The following PTPRT variants were observed in gnomAD, a reference collection of about 807,000 sequenced individuals.
The protein encoded by PTPRT is protein tyrosine phosphatase receptor type T.
A neutral mutation model predicts 176.8 loss-of-function variants in PTPRT; 56 were observed. The ratio of observed to expected loss-of-function variants is 0.32; its 90% CI spans 0.26 to 0.40. The LOEUF is 0.40. Among genes scored for constraint, PTPRT ranks in the 10% least tolerant of loss-of-function variants. The probability of loss-of-function intolerance (pLI) is 1.00; values close to 1 mark genes in which losing one functional copy is unlikely to be tolerated. For missense variants in PTPRT, 1,540 were observed against 1,908.2 expected, an observed-to-expected ratio of 0.81 and a Z score of 3.60; for synonymous variants, 783 against 739.0, an observed-to-expected ratio of 1.06 and a Z score of -0.96.
At chr20:42,939,509 T>C (rs1051440564) in intron 1 of PTPRT, among the ~76,000 whole-genome samples, 10 of 152,218 alleles carry the variant, frequency 6.6e-5, no homozygotes, top group Non-Finnish European at 1.5e-5. Flanking sequence ...GTACCCACTG[T>C]CTCATTCAGT....
chr20:42,528,355 C>T (rs1339595740), intron 7 of PTPRT, among the ~76,000 whole-genome samples: 1 of 151,676 alleles, frequency 6.6e-6, no homozygotes, highest in African/African-American at 2.4e-5. Context: ...CCCAATACTG[C>T]TCACAGTGTC....
At chr20:42,431,763 C>G (rs1311546144) in intron 9 of PTPRT, among the ~76,000 whole-genome samples, 1 of 152,160 alleles carries the variant, frequency 6.6e-6, no homozygotes, top group Non-Finnish European at 1.5e-5. Flanking sequence ...CTTGAGACCT[C>G]TGCACCTGGC....
chr20:42,591,797 T>A (rs1483647473), intron 7 of PTPRT, among the ~76,000 whole-genome samples: 1 of 152,058 alleles, frequency 6.6e-6, no homozygotes, highest in Non-Finnish European at 1.5e-5. Flanking sequence ...GAACCTCAAT[T>A]TTCCCATCAG....
Position 42,350,227 on chromosome 20 carries a change from T to TG in PTPRT, c.1865+400_1865+401insC, listed in dbSNP as rs1175946910. Among the ~76,000 whole-genome samples, 569 of 115,222 alleles carry TG rather than the reference T, an allele frequency of 4.9e-3. 4 individuals carry two copies. The highest frequency in any genetic ancestry group is 0.021 in the African/African-American group (541 of 25,192). 75.6% of individuals were successfully genotyped at this position (115,222 alleles called of 152,430 possible). A position where few individuals can be genotyped will look rare whatever the true frequency, so the allele number is the denominator to read the frequency against. ...AGGATGTTTCTTGTTTTTTTTTTTT[T>TG]TTTTTTTTTTTTTTTTTTTGAGACA... On this transcript the variant is annotated intron_variant, in intron 11 of 30. Coordinates refer to ENST00000373187, the MANE Select transcript of PTPRT (RefSeq NM_007050.6).
At chr20:42,825,171 T>C (rs149414704) in intron 2 of PTPRT, among the ~76,000 whole-genome samples, 18 of 152,236 alleles carry the variant, frequency 1.2e-4, no homozygotes, top group Admixed American at 2.6e-4. Flanking sequence ...CATTATCAAG[T>C]TGTGAATCAT....
intron 1 of PTPRT, among the ~76,000 whole-genome samples, chr20:42,945,013 G>A (rs1379208377): frequency 6.6e-6 from 1 of 150,608 alleles, no homozygotes; most frequent in Non-Finnish European, 1.5e-5. Flanking sequence ...TGTCATTTGT[G>A]GCCAGACATT....
chr20:42,431,113 C>T (rs1001840781), intron 9 of PTPRT, among the ~76,000 whole-genome samples: 10 of 152,176 alleles, frequency 6.6e-5, no homozygotes, highest in African/African-American at 2.4e-4. Context: ...TACTGGACAG[C>T]TAGGACTACA....
At chr20:43,108,277 G>C (rs2012704026) in intron 1 of PTPRT, among the ~76,000 whole-genome samples, 1 of 152,214 alleles carries the variant, frequency 6.6e-6, no homozygotes, top group Non-Finnish European at 1.5e-5. Flanking sequence ...CATACTGTGA[G>C]AAGCTGAAGC....
chr20:43,076,935 T>A (rs1023090720), intron 1 of PTPRT, among the ~76,000 whole-genome samples: 2 of 152,196 alleles, frequency 1.3e-5, no homozygotes, highest in African/African-American at 4.8e-5. Flanking sequence ...TGGGACTTCT[T>A]GTCCTGCCTC....
intron 9 of PTPRT, among the ~76,000 whole-genome samples, chr20:42,393,939 A>G (rs2058824852): frequency 6.6e-6 from 1 of 152,178 alleles, no homozygotes; most frequent in South Asian, 2.1e-4. Flanking sequence ...ACGGCTTCCT[A>G]TATTCCCGAA....
chr20:43,087,093 A>G (rs1403465872), intron 1 of PTPRT, among the ~76,000 whole-genome samples: 1 of 152,204 alleles, frequency 6.6e-6, no homozygotes, highest in Non-Finnish European at 1.5e-5. Context: ...CCTGGCAACC[A>G]TGAATCTAAT....
At chr20:42,119,302 A>G (rs1229327752) in intron 20 of PTPRT, among the ~76,000 whole-genome samples, 1 of 152,210 alleles carries the variant, frequency 6.6e-6, no homozygotes, top group South Asian at 2.1e-4. Flanking sequence ...GAAGTTTTCT[A>G]TAATATGGCG....
At chr20:42,753,734 G>C (rs533532065) in intron 6 of PTPRT, among the ~76,000 whole-genome samples, 7 of 152,318 alleles carry the variant, frequency 4.6e-5, no homozygotes, top group Admixed American at 2.6e-4. Flanking sequence ...GGACAAATCA[G>C]TGTCCCCGTA....
chr20:42,418,204 T>C (rs1431034676), intron 9 of PTPRT, among the ~76,000 whole-genome samples: 1 of 152,218 alleles, frequency 6.6e-6, no homozygotes, highest in African/African-American at 2.4e-5. Context: ...TATATTAAAT[T>C]ACATGGTCAA....
At chr20:42,854,966 C>A (rs1270719706) in intron 2 of PTPRT, among the ~76,000 whole-genome samples, 2 of 152,202 alleles carry the variant, frequency 1.3e-5, no homozygotes, top group Admixed American at 6.5e-5. Context: ...ACTACTGAGA[C>A]CTCCTGTGGC....
At chr20:42,991,709 G>A (rs1983922589) in intron 1 of PTPRT, among the ~76,000 whole-genome samples, 2 of 152,122 alleles carry the variant, frequency 1.3e-5, no homozygotes, top group South Asian at 4.1e-4. Context: ...GGTCAAAATG[G>A]TAAGTTTTAT....
intron 2 of PTPRT, among the ~76,000 whole-genome samples, chr20:42,876,569 C>G (rs1034574683): frequency 6.6e-6 from 1 of 152,166 alleles, no homozygotes; most frequent in African/African-American, 2.4e-5. Context: ...GTGGCCCATC[C>G]TGACCAAAGC....
At chr20:42,302,142 T>C (rs182512454) in intron 12 of PTPRT, among the ~76,000 whole-genome samples, 1 of 152,316 alleles carries the variant, frequency 6.6e-6, no homozygotes, top group Admixed American at 6.5e-5. Context: ...TACAACTCTC[T>C]AGGGTAAACA....
At position 42,274,536 on chromosome 20, in the gene PTPRT, A is replaced by AGTGTGTGT. The variant is rs529883269; in HGVS notation, c.2176+7945_2176+7952dup. Among the ~76,000 whole-genome samples, 407 of 113,312 alleles carry AGTGTGTGT rather than the reference A, an allele frequency of 3.6e-3. 1 individual carries two copies. The highest frequency in any genetic ancestry group is 0.01 in the African/African-American group (248 of 24,704). The allele number at this position is 113,312 out of a possible 152,430, so 74.3% of individuals were successfully genotyped here. A position where few individuals can be genotyped will look rare whatever the true frequency, so the allele number is the denominator to read the frequency against. The stretch of plus-strand genomic sequence containing the variant: ...TCTTTACTGTTTCCAGGCCCTGTAC[A>AGTGTGTGT]GTGTGTGTGTGTGTGTGTGTGTGTG... On this transcript the variant is annotated intron_variant, in intron 13 of 30. Coordinates refer to ENST00000373187, the MANE Select transcript of PTPRT (RefSeq NM_007050.6).
Sources: allele counts gnomAD v4.1 joint callset (sites outside exome capture counted in the v4.1 genomes callset), GRCh38; gene constraint gnomAD v4.1.1; transcripts MANE v1.5; gene names NCBI Gene and HGNC (gene_info 2026-07-23, HGNC 2026-07-21).